The following VMP1 variants were observed in gnomAD, a reference collection of about 807,000 sequenced individuals.
VMP1 encodes ectopic P-granules autophagy protein 3 homolog.
VMP1 carries 11 observed loss-of-function variants against 56.0 expected under a neutral mutation model. The ratio of observed to expected loss-of-function variants is 0.20; its 90% CI spans 0.12 to 0.32. VMP1 has a LOEUF of 0.32. VMP1 is among the 10% of genes least tolerant of loss of function. VMP1 has a pLI of 1.00. For synonymous variants in VMP1, 149 were observed against 165.0 expected (o/e 0.90, Z 0.74); for missense variants, 296 against 490.3 (o/e 0.60, Z 3.74).
chr17:59,816,902 C>A (rs375197985), intron 9 of VMP1, among the ~76,000 whole-genome samples: 1 of 147,732 alleles, frequency 6.8e-6, no homozygotes, highest in African/African-American at 2.5e-5. Flanking sequence ...GCCAAGATGG[C>A]GCCACTGCAC....
chr17:59,841,325 G>A lies in VMP1; in HGVS notation c.*1414G>A, dbSNP rs1161253978. On this transcript the variant is annotated 3_prime_UTR_variant, in exon 12 of 12. Coordinates refer to ENST00000262291, the MANE Select transcript of VMP1 (RefSeq NM_030938.5). ...GAATCTCATGGCAACACCAGTCGAT[G>A]GGCTGTCTGACATTTTGGTATCTTT... 1 of 511,274 alleles carries A rather than the reference G, an allele frequency of 2.0e-6. No homozygotes were observed. The highest frequency in any genetic ancestry group is 1.9e-5 in the Admixed American group (1 of 51,362). The allele number at this position is 511,274 out of a possible 1,614,324, so 31.7% of individuals were successfully genotyped here.
At chr17:59,736,996 G>A (rs1313080106) in intron 3 of VMP1, among the ~76,000 whole-genome samples, 2 of 151,330 alleles carry the variant, frequency 1.3e-5, no homozygotes, top group African/African-American at 2.4e-5. Flanking sequence ...AGCTGAGGTC[G>A]CACCACTGCA....
At chr17:59,709,094 AGTTT>A (rs2033804256) in intron 1 of VMP1, among the ~76,000 whole-genome samples, 1 of 152,224 alleles carries the variant, frequency 6.6e-6, no homozygotes, top group South Asian at 2.1e-4. Flanking sequence ...TAGTTAAATC[AGTTT>A]GTCAGTTTAC....
intron 8 of VMP1, 102 bp downstream of exon 8, chr17:59,808,978 G>T: frequency 4.3e-6 from 4 of 927,374 alleles, no homozygotes; most frequent in Non-Finnish European, 6.3e-6. Context: ...CTTTTATTGG[G>T]TATGTAATTT....
chr17:59,792,325 CA>C (rs1467207931), intron 7 of VMP1, among the ~76,000 whole-genome samples: 2 of 152,124 alleles, frequency 1.3e-5, no homozygotes, highest in Non-Finnish European at 2.9e-5. Flanking sequence ...TCACTGTTGA[CA>C]TTTCCCATAA....
chr17:59,832,183 T>A (rs1199419865), intron 10 of VMP1, among the ~76,000 whole-genome samples: 2 of 66,150 alleles, frequency 3.0e-5, no homozygotes, highest in Non-Finnish European at 5.4e-5. Context: ...TGAGATCAAC[T>A]TTTTTTTTTT....
At chr17:59,839,438 A>AATAC (rs1385633359) in intron 11 of VMP1, 1 of 247,326 alleles carries the variant, frequency 4.0e-6, no homozygotes. Flanking sequence ...CTGTCTTGAC[A>AATAC]ATACTCATGA....
intron 10 of VMP1, among the ~76,000 whole-genome samples, chr17:59,824,332 G>C (rs907502628): frequency 6.6e-5 from 10 of 151,932 alleles, no homozygotes; most frequent in Non-Finnish European, 1.0e-4. Context: ...AGCACTTTGG[G>C]AGGCCAAGGC....
chr17:59,793,141 G>A lies in VMP1; in HGVS notation c.715-15655G>A, dbSNP rs574464726. Among the ~76,000 whole-genome samples, 235 of 110,172 alleles carry A rather than the reference G, an allele frequency of 2.1e-3. 75 individuals are homozygous for A. Among genetic ancestry groups the A allele is most frequent in the Non-Finnish European group, 1.3e-3 (56 of 44,542 alleles). 72.3% of individuals were successfully genotyped at this position (110,172 alleles called of 152,430 possible). On this transcript the variant is annotated intron_variant, in intron 7 of 11. Transcript: ENST00000262291. Reference sequence around the variant, plus strand: ...AATTCTCCTGCCTCGGCCTTCCAACGTGCTAGGATTACAGGCATGTGCCAC... The same window carrying A: ...AATTCTCCTGCCTCGGCCTTCCAACATGCTAGGATTACAGGCATGTGCCAC...
chr17:59,802,311 T>G (rs1429112354), intron 7 of VMP1, among the ~76,000 whole-genome samples: 2 of 151,884 alleles, frequency 1.3e-5, no homozygotes, highest in Admixed American at 1.3e-4. Context: ...TGTGTAGGTT[T>G]GTAGCCTAGG....
intron 7 of VMP1, among the ~76,000 whole-genome samples, chr17:59,807,199 GTTT>G (rs376878801): frequency 7.5e-6 from 1 of 132,634 alleles, no homozygotes; most frequent in African/African-American, 2.8e-5. Context: ...TTGTTTTTTT[GTTT>G]TTTTTTTTTT....
chr17:59,804,421 C>A (rs2037777587), intron 7 of VMP1, among the ~76,000 whole-genome samples: 1 of 151,820 alleles, frequency 6.6e-6, no homozygotes, highest in African/African-American at 2.4e-5. Flanking sequence ...TGACACCAGC[C>A]TGGGCAACAC....
intron 1 of VMP1, among the ~76,000 whole-genome samples, chr17:59,721,517 G>A (rs1213212408): frequency 6.6e-6 from 1 of 152,160 alleles, no homozygotes; most frequent in Non-Finnish European, 1.5e-5. Context: ...AACAGGGTAT[G>A]TTGATGCTAG....
chr17:59,803,127 T>C (rs1271043904), intron 7 of VMP1, among the ~76,000 whole-genome samples: 2 of 152,342 alleles, frequency 1.3e-5, no homozygotes, highest in Middle Eastern at 3.4e-3. Context: ...AAGATAAAAG[T>C]TACTTCGTAT....
chr17:59,791,621 C>T (rs953447980), intron 7 of VMP1, among the ~76,000 whole-genome samples: 38 of 148,758 alleles, frequency 2.6e-4, no homozygotes, highest in African/African-American at 7.2e-4. Flanking sequence ...CAGGCCACCA[C>T]GCCCGGCTAA....
intron 5 of VMP1, among the ~76,000 whole-genome samples, chr17:59,749,194 C>T (rs921079893): frequency 6.6e-6 from 1 of 151,192 alleles, no homozygotes; most frequent in Non-Finnish European, 1.5e-5. Context: ...CCTGACCTCG[C>T]GATCCGCCTA....
intron 10 of VMP1, among the ~76,000 whole-genome samples, chr17:59,820,974 G>GTT (rs904404398): frequency 2.3e-4 from 32 of 138,640 alleles, no homozygotes; most frequent in Non-Finnish European, 3.2e-4. Flanking sequence ...TCTTTTTTTT[G>GTT]TTTTTTTTTT....
rs961795575 is a variant in VMP1 at position 59,792,963 on chromosome 17, T to A, written c.715-15833T>A. 4.4e-5 allele frequency among the ~76,000 whole-genome samples: 4 copies of A among 90,922 alleles called. 1 individual carries two copies. Among genetic ancestry groups the A allele is most frequent in the African/African-American group, 1.2e-4 (4 of 34,172 alleles). The allele number at this position is 90,922 out of a possible 152,430, so 59.6% of individuals were successfully genotyped here. On this transcript the variant is annotated intron_variant, in intron 7 of 11. Coordinates refer to ENST00000262291, the MANE Select transcript of VMP1 (RefSeq NM_030938.5). ...ACTTTGGGAGGCTGAGGTGGAAGGA[T>A]CACTTGGAGCCCAGGAGTTCAAGAC... is the stretch of plus-strand genomic sequence containing the variant.
intron 10 of VMP1, among the ~76,000 whole-genome samples, chr17:59,824,411 A>C (rs557039795): frequency 6.6e-6 from 1 of 150,654 alleles, no homozygotes; most frequent in East Asian, 2.0e-4. Context: ...ATCTCTACTA[A>C]AAATACAAAA....
Sources: allele counts gnomAD v4.1 joint callset (sites outside exome capture counted in the v4.1 genomes callset), GRCh38; gene constraint gnomAD v4.1.1; transcripts MANE v1.5; gene names NCBI Gene and HGNC (gene_info 2026-07-23, HGNC 2026-07-21).